CSMD1: variants seen among roughly 807,000 people sequenced by gnomAD.
The protein encoded by CSMD1 is CUB and sushi domain-containing protein 1.
A neutral mutation model predicts 417.5 loss-of-function variants in CSMD1; 213 were observed. That is an observed-to-expected ratio of 0.51 (90% CI 0.46 to 0.57). CSMD1 has a LOEUF of 0.57. Ranked by LOEUF, CSMD1 falls within the 20% of genes least tolerant of loss-of-function variation. CSMD1 has a pLI of 0.00. For synonymous variants in CSMD1, 2,862 were observed against 1,736.8 expected, an observed-to-expected ratio of 1.65 and a Z score of -16.11; for missense variants, 6,923 against 4,529.7, an observed-to-expected ratio of 1.53 and a Z score of -15.17.
chr8:4,874,572 G>A (rs1282521746), intron 1 of CSMD1, among the ~76,000 whole-genome samples: 1 of 151,504 alleles, frequency 6.6e-6, no homozygotes, highest in South Asian at 2.1e-4. Context: ...GTATTTTTTA[G>A]TAAAGATGGG....
intron 4 of CSMD1, among the ~76,000 whole-genome samples, chr8:4,015,530 C>G (rs755135811): frequency 3.3e-5 from 5 of 152,050 alleles, no homozygotes; most frequent in Non-Finnish European, 4.4e-5. Flanking sequence ...TGGGCCTACA[C>G]TATTTAGCAT....
chr8:3,110,678 G>C (rs969335682), intron 42 of CSMD1, among the ~76,000 whole-genome samples: 16 of 152,236 alleles, frequency 1.1e-4, no homozygotes, highest in Admixed American at 7.2e-4. Context: ...ATGAATTATG[G>C]GGAAAGTATT....
At chr8:3,165,210 A>T (rs1287599830) in intron 37 of CSMD1, among the ~76,000 whole-genome samples, 1 of 151,986 alleles carries the variant, frequency 6.6e-6, no homozygotes, top group East Asian at 1.9e-4. Context: ...CAAAGAGATT[A>T]ATACCTGGTA....
intron 3 of CSMD1, among the ~76,000 whole-genome samples, chr8:4,374,198 G>T (rs1191945771): frequency 6.6e-6 from 1 of 152,110 alleles, no homozygotes; most frequent in Non-Finnish European, 1.5e-5. Context: ...TCCAGGGTTA[G>T]CTTTGAGGAA....
Position 4,727,174 on chromosome 8 carries a change from G to C in CSMD1, c.86-89616C>G, listed in dbSNP as rs140473843. Among the ~76,000 whole-genome samples, 644 of 152,238 alleles carry C rather than the reference G, an allele frequency of 4.2e-3. 3 individuals are homozygous for C. The highest frequency in any genetic ancestry group is 0.017 in the Middle Eastern group (5 of 294). ...GCTCTCAATCCACCGTAGGCCAGTA[G>C]CTCTCCATTCTCTCTGAGAAAGGAC... is the stretch of plus-strand genomic sequence containing the variant. On this transcript the variant is annotated intron_variant, in intron 1 of 69. Coordinates refer to ENST00000635120, the MANE Select transcript of CSMD1 (RefSeq NM_033225.6).
intron 1 of CSMD1, among the ~76,000 whole-genome samples, chr8:4,912,448 G>A (rs996367714): frequency 1.5e-4 from 23 of 151,832 alleles, no homozygotes; most frequent in Non-Finnish European, 3.1e-4. Flanking sequence ...AAGGATTGAA[G>A]GTGAAAACGG....
chr8:4,097,994 AT>A lies in CSMD1; in HGVS notation c.416-65896del, dbSNP rs376053971. 2.5e-4 allele frequency among the ~76,000 whole-genome samples: 38 copies of A among 152,320 alleles called. 1 individual carries two copies. Among genetic ancestry groups the A allele is most frequent in the African/African-American group, 8.4e-4 (35 of 41,578 alleles). On this transcript the variant is annotated intron_variant, in intron 3 of 69. Coordinates refer to ENST00000635120, the MANE Select transcript of CSMD1 (RefSeq NM_033225.6). Reference sequence around the variant, plus strand: ...TTTAGAATCTGTGGATCAGATGGAAATGAACTCTGTCAAGAGTGATTTGCAG... The same window carrying A: ...TTTAGAATCTGTGGATCAGATGGAAAGAACTCTGTCAAGAGTGATTTGCAG...
intron 41 of CSMD1, among the ~76,000 whole-genome samples, chr8:3,136,254 CTTT>C (rs1158324400): frequency 3.1e-5 from 4 of 129,538 alleles, no homozygotes; most frequent in Non-Finnish European, 1.7e-5. Context: ...TTTTTTTTTT[CTTT>C]TTTTTTTTTT....
intron 2 of CSMD1, among the ~76,000 whole-genome samples, chr8:4,578,345 T>C (rs1685515912): frequency 7.0e-6 from 1 of 143,406 alleles, no homozygotes; most frequent in South Asian, 2.3e-4. Flanking sequence ...TTTTTTTTTT[T>C]TTTTTTTTTT....
intron 10 of CSMD1, among the ~76,000 whole-genome samples, chr8:3,554,584 A>G (rs1317805541): frequency 6.6e-6 from 1 of 152,224 alleles, no homozygotes; most frequent in Non-Finnish European, 1.5e-5. Context: ...CAGCCCCTCT[A>G]ACAAGGCACA....
intron 3 of CSMD1, among the ~76,000 whole-genome samples, chr8:4,177,957 G>T (rs961582309): frequency 2.0e-5 from 3 of 152,104 alleles, no homozygotes; most frequent in Admixed American, 2.0e-4. Context: ...CAACCAAAAA[G>T]AGTCCAGGAT....
chr8:3,163,954 G>A (rs897698687), intron 37 of CSMD1, among the ~76,000 whole-genome samples: 1 of 152,186 alleles, frequency 6.6e-6, no homozygotes, highest in Non-Finnish European at 1.5e-5. Context: ...TCTCTCATGC[G>A]TGTTGAGCTA....
chr8:4,556,761 C>G (rs574848084), intron 2 of CSMD1, among the ~76,000 whole-genome samples: 5 of 152,248 alleles, frequency 3.3e-5, no homozygotes, highest in East Asian at 1.9e-4. Flanking sequence ...AACCTCAAAT[C>G]CAAAATGATC....
At chr8:3,696,480 G>C (rs1292751608) in intron 7 of CSMD1, among the ~76,000 whole-genome samples, 1 of 152,184 alleles carries the variant, frequency 6.6e-6, no homozygotes, top group African/African-American at 2.4e-5. Flanking sequence ...TGCAAATGCA[G>C]TGAACCCAAC....
intron 3 of CSMD1, among the ~76,000 whole-genome samples, chr8:4,358,068 G>A (rs115057386): frequency 0.029 from 4,480 of 152,104 alleles, 227 homozygotes; most frequent in African/African-American, 0.1. Flanking sequence ...GTATACTTAC[G>A]TATATATGTA....
chr8:3,963,210 G>A (rs550652627), intron 5 of CSMD1, among the ~76,000 whole-genome samples: 1 of 152,114 alleles, frequency 6.6e-6, no homozygotes, highest in Admixed American at 6.5e-5. Context: ...GGGATCACAG[G>A]CTTGAGCCAC....
intron 5 of CSMD1, among the ~76,000 whole-genome samples, chr8:3,890,800 G>A (rs1243989070): frequency 2.0e-5 from 3 of 151,958 alleles, no homozygotes; most frequent in East Asian, 3.9e-4. Flanking sequence ...ACATTTCCAG[G>A]GACTAAAATA....
intron 2 of CSMD1, among the ~76,000 whole-genome samples, chr8:4,527,095 T>A (rs1796553281): frequency 1.3e-5 from 2 of 152,180 alleles, no homozygotes; most frequent in African/African-American, 2.4e-5. Flanking sequence ...TTCAGAAGCT[T>A]CGGAGGATTC....
intron 3 of CSMD1, among the ~76,000 whole-genome samples, chr8:4,219,408 A>C (rs936890950): frequency 6.6e-6 from 1 of 152,242 alleles, no homozygotes; most frequent in Non-Finnish European, 1.5e-5. Flanking sequence ...AATTAATTAC[A>C]GAGCCTCCAT....
Sources: gnomAD v4.1 joint callset for allele counts (sites outside exome capture counted in the v4.1 genomes callset) on GRCh38, gnomAD v4.1.1 for gene constraint, MANE v1.5 for transcripts, NCBI Gene and HGNC (gene_info 2026-07-23, HGNC 2026-07-21) for gene names.